Variants in POLA1 observed in about 807,000 individuals in gnomAD.
POLA1 encodes the protein DNA polymerase alpha 1, catalytic subunit.
A neutral mutation model predicts 124.0 loss-of-function variants in POLA1; 15 were observed. The ratio of observed to expected loss-of-function variants is 0.12; its 90% CI spans 0.08 to 0.19. POLA1 has a LOEUF of 0.19. POLA1 is among the 10% of genes least tolerant of loss of function. POLA1 has a pLI of 1.00. For missense variants in POLA1, 886 were observed against 1,103.4 expected, an observed-to-expected ratio of 0.80 and a Z score of 2.79; for synonymous variants, 408 against 389.4, an observed-to-expected ratio of 1.05 and a Z score of -0.56.
chrX:24,910,561 A>G (rs1309981491), intron 35 of POLA1, among the ~76,000 whole-genome samples: 2 of 111,994 alleles, frequency 1.8e-5, no homozygotes, highest in Non-Finnish European at 3.8e-5. Flanking sequence ...ATGGCAAAAG[A>G]CATACCATGC....
chrX:24,901,984 C>T (rs2047285844), intron 35 of POLA1, among the ~76,000 whole-genome samples: 1 of 110,397 alleles, frequency 9.1e-6, no homozygotes, highest in Admixed American at 9.6e-5. Context: ...AGAGAAACCC[C>T]TCTGCGCGTG....
intron 26 of POLA1, among the ~76,000 whole-genome samples, chrX:24,760,229 T>C (rs2148422521): frequency 8.9e-6 from 1 of 112,083 alleles, no homozygotes; most frequent in East Asian, 2.8e-4. Context: ...ATAATTTTTT[T>C]TTCTTCTTTT....
intron 26 of POLA1, chrX:24,789,030 C>T (rs2045435304): frequency 6.6e-6 from 8 of 1,207,817 alleles, no homozygotes; most frequent in South Asian, 1.8e-5. Context: ...TCGTTGAGCA[C>T]CTGGAGGCCG....
chrX:24,743,393 C>A (rs1171821038), intron 23 of POLA1, 64 bp downstream of exon 23: 3 of 552,323 alleles, frequency 5.4e-6, no homozygotes, highest in East Asian at 7.1e-5. Context: ...TGGATCTAGG[C>A]TTGAGAAACT....
At chrX:24,814,532 A>T (rs749837374) in intron 29 of POLA1, among the ~76,000 whole-genome samples, 1 of 111,904 alleles carries the variant, frequency 8.9e-6, no homozygotes, top group South Asian at 3.8e-4. Context: ...CATCTAGCGC[A>T]TGGTTGTTGT....
chrX:24,808,587 T>A, intron 26 of POLA1, among the ~76,000 whole-genome samples: 1 of 110,727 alleles, frequency 9.0e-6, no homozygotes, highest in Admixed American at 9.6e-5. Flanking sequence ...CTTAGCCTCA[T>A]CAGAATTCAC....
intron 18 of POLA1, among the ~76,000 whole-genome samples, chrX:24,736,434 TAAC>T (rs1931279795): frequency 1.8e-5 from 2 of 111,705 alleles, no homozygotes; most frequent in South Asian, 3.8e-4. Flanking sequence ...CAGCCTCCAA[TAAC>T]AACAGTTTCT....
chrX:24,938,676 T>TA (rs2047880676), intron 36 of POLA1, among the ~76,000 whole-genome samples: 1 of 112,899 alleles, frequency 8.9e-6, no homozygotes, highest in South Asian at 3.6e-4. Flanking sequence ...GTGATGTTTT[T>TA]ATACTCACTA....
intron 15 of POLA1, among the ~76,000 whole-genome samples, chrX:24,728,772 A>G (rs1304803283): frequency 8.9e-6 from 1 of 112,160 alleles, no homozygotes; most frequent in Non-Finnish European, 1.9e-5. Flanking sequence ...TCACTGGAAG[A>G]CAGCATGTTT....
chrX:24,906,969 C>T (rs192738874), intron 35 of POLA1, among the ~76,000 whole-genome samples: 69 of 111,422 alleles, frequency 6.2e-4, no homozygotes, highest in African/African-American at 2.2e-3. Flanking sequence ...GGACAGTTCA[C>T]TTGAGGCCAG....
At chrX:24,755,516 C>T (rs1480372731) in intron 26 of POLA1, among the ~76,000 whole-genome samples, 1 of 111,584 alleles carries the variant, frequency 9.0e-6, no homozygotes, top group East Asian at 2.8e-4. Context: ...CTGAATAGAA[C>T]ATAGATGTTC....
chrX:24,948,162 G>A (rs1385469156), intron 36 of POLA1, among the ~76,000 whole-genome samples: 1 of 111,718 alleles, frequency 9.0e-6, no homozygotes, highest in East Asian at 2.8e-4. Flanking sequence ...TTAGTTTTAT[G>A]CCATGTAGGT....
chrX:24,988,328 C>T (rs184187077), intron 36 of POLA1, among the ~76,000 whole-genome samples: 11 of 112,586 alleles, frequency 9.8e-5, no homozygotes, highest in Non-Finnish European at 2.1e-4. Flanking sequence ...GCACTCTAAT[C>T]CGTCAGCCTG....
At chrX:24,959,319 C>T (rs765900665) in intron 36 of POLA1, among the ~76,000 whole-genome samples, 1 of 110,853 alleles carries the variant, frequency 9.0e-6, no homozygotes, top group African/African-American at 3.3e-5. Flanking sequence ...CAAAAATTGG[C>T]TGGGCATGGT....
chrX:24,818,612 A>G (rs2046033909), intron 30 of POLA1, among the ~76,000 whole-genome samples: 1 of 111,980 alleles, frequency 8.9e-6, no homozygotes, highest in African/African-American at 3.2e-5. Flanking sequence ...TGAAGACCCC[A>G]AGAGCTCGTG....
chrX:24,905,556 C>G (rs1490189537), intron 35 of POLA1, among the ~76,000 whole-genome samples: 3 of 93,353 alleles, frequency 3.2e-5, no homozygotes, highest in Non-Finnish European at 4.2e-5. Context: ...TGGTGAACCC[C>G]CCCCCCCTTT....
intron 34 of POLA1, among the ~76,000 whole-genome samples, chrX:24,859,759 G>A (rs1345508099): frequency 1.8e-5 from 2 of 112,438 alleles, no homozygotes; most frequent in Non-Finnish European, 3.8e-5. Flanking sequence ...TTGAGCAAGG[G>A]AGTGATTTTT....
At chrX:24,704,572 C>A in intron 4 of POLA1, 103 bp downstream of exon 4, 1 of 528,743 alleles carries the variant, frequency 1.9e-6, no homozygotes, top group Non-Finnish European at 3.3e-6. Flanking sequence ...AGAGAAGGAC[C>A]TAACTACCAT....
At chrX:24,714,757 AT>A in intron 5 of POLA1, 88 bp downstream of exon 5, 1 of 495,725 alleles carries the variant, frequency 2.0e-6, no homozygotes, top group Non-Finnish European at 3.3e-6. Context: ...TGCTCTGTAT[AT>A]ATTTGAGTAA....
Sources: allele counts gnomAD v4.1 joint callset (sites outside exome capture counted in the v4.1 genomes callset), GRCh38; gene constraint gnomAD v4.1.1; transcripts MANE v1.5; gene names NCBI Gene and HGNC (gene_info 2026-07-23, HGNC 2026-07-21).